Variants in PRR7 observed in about 807,000 individuals in gnomAD.
PRR7 encodes proline-rich protein 7.
PRR7 carries 8 observed loss-of-function variants against 18.5 expected under a neutral mutation model. That is an observed-to-expected ratio of 0.43 (90% CI 0.25 to 0.78). The LOEUF is 0.78. PRR7 is among the 30% of genes least tolerant of loss of function. The pLI, the probability that PRR7 is intolerant of heterozygous loss-of-function variation, is 0.22. For missense variants in PRR7, 396 were observed against 403.1 expected (o/e 0.98, Z 0.15); for synonymous variants, 221 against 187.7 (o/e 1.18, Z -1.45).
rs1756389871 is a variant in PRR7 at position 177,455,651 on chromosome 5, C to T, written c.428-73C>T. On this transcript the variant is annotated intron_variant, in intron 3 of 3. Coordinates refer to ENST00000323249, the MANE Select transcript of PRR7 (RefSeq NM_030567.5). This position sits in a 1 kb window ranked among gnomAD's most constrained non-coding sequence, Gnocchi z 6.9. ...CGGGCTAGGGCTGGGGCGCGGGCGG[C>T]CCCTGGCCGGGGCCTCTGCGAGAGG... 2.1e-6 allele frequency: 3 copies of T among 1,435,570 alleles called. No homozygotes were observed. Among genetic ancestry groups the T allele is most frequent in the East Asian group, 2.6e-5 (1 of 38,188 alleles). 88.9% of individuals were successfully genotyped at this position (1,435,570 alleles called of 1,614,324 possible). A position where few individuals can be genotyped will look rare whatever the true frequency, so the allele number is the denominator to read the frequency against.
rs527534049 is a variant in PRR7, at chr5:177,456,272, T to C, written c.*151T>C. Reference sequence around the variant, plus strand: ...TTTTGAGGATAATAAAGGTGTGTGATCTGGTTTGGTACAAGCGGAGGGTGC... The same window carrying C: ...TTTTGAGGATAATAAAGGTGTGTGACCTGGTTTGGTACAAGCGGAGGGTGC... On this transcript the variant is annotated 3_prime_UTR_variant, in exon 4 of 4. Transcript: ENST00000323249. 7.5e-6 allele frequency: 8 copies of C among 1,066,576 alleles called. No homozygotes were observed. In the Admixed American group the frequency reaches 1.7e-4, roughly 23 times the overall value. 66.1% of individuals were successfully genotyped at this position (1,066,576 alleles called of 1,614,324 possible). A position where few individuals can be genotyped will look rare whatever the true frequency, so the allele number is the denominator to read the frequency against.
chr5:177,450,659 T>TA lies in PRR7; in HGVS notation c.-324-3297_-324-3296insA, dbSNP rs1403323615. On this transcript the variant is annotated intron_variant, in intron 1 of 3. Transcript: ENST00000323249. The surrounding 1 kb of genome is among the most constrained non-coding windows in gnomAD (Gnocchi z 6.6). The stretch of plus-strand genomic sequence containing the variant: ...CGGAACATCCTGGCATCATTGGGCT[T>TA]CCCATCCCTGAGGGGTGAGGTGGCT... 6.6e-6 allele frequency among the ~76,000 whole-genome samples: 1 copy of TA among 152,186 alleles called. No homozygotes were observed. The highest frequency in any genetic ancestry group is 1.5e-5 in the Non-Finnish European group (1 of 68,024).
rs1319117319 is a variant in PRR7 at position 177,456,082 on chromosome 5, G to A, written c.786G>A (p.Pro262=). ...EPLEHGAWRL[P]VSIPLFGRTT... Reference sequence around the variant, plus strand: ...TGGAGCACGGAGCTTGGCGTCTGCCGGTCTCCATCCCCTTGTTCGGGAGGA... The same window carrying A: ...TGGAGCACGGAGCTTGGCGTCTGCCAGTCTCCATCCCCTTGTTCGGGAGGA... The change falls in exon 4 of 4, where the codon CCG becomes CCA. Residue 262 remains proline (P), a synonymous_variant. Transcript: ENST00000323249. 5 of 1,567,270 alleles carry A rather than the reference G, an allele frequency of 3.2e-6. No individual in the cohort carries two copies. Among genetic ancestry groups the A allele is most frequent in the South Asian group, 2.3e-5 (2 of 86,228 alleles).
Position 177,455,675 on chromosome 5 carries a change from G to C in PRR7, c.428-49G>C, listed in dbSNP as rs2127389347. 6.0e-6 allele frequency: 9 copies of C among 1,493,014 alleles called. No homozygotes were observed. Among genetic ancestry groups the C allele is most frequent in the Non-Finnish European group, 8.1e-6 (9 of 1,117,720 alleles). 92.5% of individuals were successfully genotyped at this position (1,493,014 alleles called of 1,614,324 possible). On this transcript the variant is annotated intron_variant, in intron 3 of 3. Coordinates refer to ENST00000323249, the MANE Select transcript of PRR7 (RefSeq NM_030567.5). This position sits in a 1 kb window ranked among gnomAD's most constrained non-coding sequence, Gnocchi z 6.9. ...GCCCCTGGCCGGGGCCTCTGCGAGA[G>C]GCTGGGAACCGGCGGCCTCACCTCC...
In PRR7 at chr5:177,455,851, G is replaced by T; in HGVS notation, c.555G>T (p.Leu185=). Residue 185 remains leucine, a synonymous_variant, in exon 4 of 4, where the codon CTG becomes CTT. Transcript: ENST00000323249. The surrounding 1 kb of genome is among the most constrained non-coding windows in gnomAD (Gnocchi z 6.9). The stretch of plus-strand genomic sequence containing the variant: ...ACCGCAAGATCGTCACGCCCTTCCT[G>T]AGTCGCCGCGACAGCGCGGAGAAGC... ...GLYRKIVTPF[L]SRRDSAEKQE... The T allele has an allele frequency of 6.2e-7, 1 of 1,612,006 alleles. No homozygotes were observed.
At chr5:177,448,791 C>T (rs1183977063) in intron 1 of PRR7, among the ~76,000 whole-genome samples, 1 of 152,242 alleles carries the variant, frequency 6.6e-6, no homozygotes, top group Non-Finnish European at 1.5e-5. Context: ...CAAAGGGCTG[C>T]CTCAGTCCCC....
rs1756425204 is a variant in PRR7 at position 177,456,076 on chromosome 5, T to C, written c.780T>C (p.Arg260=). ...AGCCCCTGGAGCACGGAGCTTGGCG[T>C]CTGCCGGTCTCCATCCCCTTGTTCG... The part of the protein sequence containing the change: ...SREPLEHGAW[R]LPVSIPLFGR... Residue 260 remains arginine, a synonymous_variant, in exon 4 of 4, where the codon CGT becomes CGC. Transcript: ENST00000323249. The C allele has an allele frequency of 6.4e-7, 1 of 1,570,512 alleles. No homozygotes were observed. The highest frequency in any genetic ancestry group is 1.8e-5 in the Admixed American group (1 of 55,988).
rs1756280795 is a variant in PRR7, at chr5:177,454,121, G to A, written c.-240+81G>A. On this transcript the variant is annotated intron_variant, in intron 2 of 3. Transcript: ENST00000323249. This position sits in a 1 kb window ranked among gnomAD's most constrained non-coding sequence, Gnocchi z 4.7. ...AGGGAAAGGGAGACGGCGGCCTGAA[G>A]ACAGAGGCAGAGCCAAGTGGGGCTG... 1.3e-5 allele frequency: 2 copies of A among 152,686 alleles called. No individual in the cohort carries two copies. The highest frequency in any genetic ancestry group is 4.1e-4 in the South Asian group (2 of 4,840). 9.5% of individuals were successfully genotyped at this position (152,686 alleles called of 1,614,324 possible).
chr5:177,456,194 G>A lies in PRR7; in HGVS notation c.*73G>A. 6 of 1,036,466 alleles carry A rather than the reference G, an allele frequency of 5.8e-6. No individual in the cohort carries two copies. Among genetic ancestry groups the A allele is most frequent in the East Asian group, 3.1e-5 (1 of 31,854 alleles). The allele number at this position is 1,036,466 out of a possible 1,614,324, so 64.2% of individuals were successfully genotyped here. On this transcript the variant is annotated 3_prime_UTR_variant, in exon 4 of 4. Transcript: ENST00000323249. ...TGCGGGGCTTTTTAAATGCTTCCCT[G>A]GACTGCGGGGAGGGGCGGGGGGAGG...
chr5:177,454,012 A>T lies in PRR7; in HGVS notation c.-268A>T, dbSNP rs1294603951. 1 of 152,258 alleles carries T rather than the reference A, an allele frequency of 6.6e-6. No individual in the cohort carries two copies. The highest frequency in any genetic ancestry group is 6.5e-5 in the Admixed American group (1 of 15,278). 9.4% of individuals were successfully genotyped at this position (152,258 alleles called of 1,614,324 possible). ...TGGAGAGGAGGAAGCGGAACTAGAGATGCCCATCTGGAGTGAGTGCAGGAC... is the reference window on the plus strand; with the variant it reads ...TGGAGAGGAGGAAGCGGAACTAGAGTTGCCCATCTGGAGTGAGTGCAGGAC... On this transcript the variant is annotated 5_prime_UTR_variant, in exon 2 of 4. It removes an upstream start codon present in the reference 5' UTR. Transcript: ENST00000323249. The surrounding 1 kb of genome is among the most constrained non-coding windows in gnomAD (Gnocchi z 4.7).
rs1220240055 is a variant in PRR7 at position 177,455,424 on chromosome 5, C to T, written c.357C>T (p.His119=). The change falls in exon 3 of 4, where the codon CAC becomes CAT. Residue 119 remains histidine, a synonymous_variant. Transcript: ENST00000323249. The surrounding 1 kb of genome is among the most constrained non-coding windows in gnomAD (Gnocchi z 6.9). ...CGCACGCGCACCCACACCCGCACCA[C>T]CACGCGCTCCCGCACCCGCCGCCTA... is the stretch of plus-strand genomic sequence containing the variant. ...PHAHAHPHPH[H]HALPHPPPTH... The T allele has an allele frequency of 2.0e-6, 3 of 1,504,260 alleles. No homozygotes were observed. Among genetic ancestry groups the T allele is most frequent in the Non-Finnish European group, 2.6e-6 (3 of 1,133,472 alleles). The allele number at this position is 1,504,260 out of a possible 1,614,324, so 93.2% of individuals were successfully genotyped here. A position where few individuals can be genotyped will look rare whatever the true frequency, so the allele number is the denominator to read the frequency against.
chr5:177,454,858 C>A lies in PRR7; in HGVS notation c.-210C>A. The A allele has an allele frequency of 2.1e-5, 11 of 514,642 alleles. No homozygotes were observed. Among genetic ancestry groups the A allele is most frequent in the Non-Finnish European group, 2.8e-5 (10 of 352,974 alleles). 31.9% of individuals were successfully genotyped at this position (514,642 alleles called of 1,614,324 possible). On this transcript the variant is annotated 5_prime_UTR_variant, in exon 3 of 4. Coordinates refer to ENST00000323249, the MANE Select transcript of PRR7 (RefSeq NM_030567.5). This position sits in a 1 kb window ranked among gnomAD's most constrained non-coding sequence, Gnocchi z 4.7. ...CGCGCGGCCCCGGGTGAGGCACGCC[C>A]GCGCGCCCGCCGGCGCCATGGGAAG...
rs186113836 is a variant in PRR7 at position 177,450,542 on chromosome 5, C to T, written c.-324-3414C>T. ...CACAGCTAAAAGACCAACCAGGTAA[C>T]GAGCCCTCCAGCATCTCCTTCCATA... is the stretch of plus-strand genomic sequence containing the variant. On this transcript the variant is annotated intron_variant, in intron 1 of 3. Coordinates refer to ENST00000323249, the MANE Select transcript of PRR7 (RefSeq NM_030567.5). This position sits in a 1 kb window ranked among gnomAD's most constrained non-coding sequence, Gnocchi z 6.6. 1.3e-5 allele frequency among the ~76,000 whole-genome samples: 2 copies of T among 152,340 alleles called. No individual in the cohort carries two copies. The highest frequency in any genetic ancestry group is 4.8e-5 in the African/African-American group (2 of 41,580).
At position 177,450,001 on chromosome 5, in the gene PRR7, C is replaced by T. The variant is rs1246558974; in HGVS notation, c.-325+3041C>T. Among the ~76,000 whole-genome samples the T allele has an allele frequency of 1.3e-5, 2 of 152,058 alleles. No individual in the cohort carries two copies. The highest frequency in any genetic ancestry group is 2.9e-5 in the Non-Finnish European group (2 of 67,996). On this transcript the variant is annotated intron_variant, in intron 1 of 3. Coordinates refer to ENST00000323249, the MANE Select transcript of PRR7 (RefSeq NM_030567.5). The surrounding 1 kb of genome is among the most constrained non-coding windows in gnomAD (Gnocchi z 6.6). Reference sequence around the variant, plus strand: ...CCTGAAATGCCCTTGCTGCCGGGACCGAGGACTTTGTCATCACCCGGGCTT... The same window carrying T: ...CCTGAAATGCCCTTGCTGCCGGGACTGAGGACTTTGTCATCACCCGGGCTT...
At position 177,454,627 on chromosome 5, in the gene PRR7, G is replaced by A. The variant is rs932904807; in HGVS notation, c.-239-202G>A. On this transcript the variant is annotated intron_variant, in intron 2 of 3. Transcript: ENST00000323249. This position sits in a 1 kb window ranked among gnomAD's most constrained non-coding sequence, Gnocchi z 4.7. Reference sequence around the variant, plus strand: ...CTCGGCGCCCGGGCTCCGCGGCGGCGGCCGGGGCTCAGATCGGGGAAACCC... The same window carrying A: ...CTCGGCGCCCGGGCTCCGCGGCGGCAGCCGGGGCTCAGATCGGGGAAACCC... 2.6e-5 allele frequency among the ~76,000 whole-genome samples: 4 copies of A among 151,986 alleles called. No homozygotes were observed. The highest frequency in any genetic ancestry group is 9.7e-5 in the African/African-American group (4 of 41,394).
In PRR7 at chr5:177,455,965, G is replaced by T; in HGVS notation, c.669G>T (p.Ala223=). ...ALHLPSAPRP[A]PPCPALCLQA... ...ACCTGCCCAGCGCCCCTCGGCCCGC[G>T]CCGCCCTGCCCAGCCCTCTGCCTGC... The change falls in exon 4 of 4, where the codon GCG becomes GCT. Residue 223 remains alanine, a synonymous_variant. Transcript: ENST00000323249. This position sits in a 1 kb window ranked among gnomAD's most constrained non-coding sequence, Gnocchi z 6.9. 6.3e-7 allele frequency: 1 copy of T among 1,591,164 alleles called. No homozygotes were observed.
intron 1 of PRR7, among the ~76,000 whole-genome samples, chr5:177,447,478 G>A (rs1755951006): frequency 6.6e-6 from 1 of 152,166 alleles, no homozygotes; most frequent in South Asian, 2.1e-4. Context: ...ACGTGGGGGC[G>A]GCCCAGCCCC....
intron 1 of PRR7, among the ~76,000 whole-genome samples, chr5:177,453,136 C>T (rs1463553177): frequency 6.6e-6 from 1 of 152,236 alleles, no homozygotes; most frequent in Non-Finnish European, 1.5e-5. Context: ...CCACCACAGA[C>T]AAGGTGGTGT....
At chr5:177,451,117 G>C (rs539406630) in intron 1 of PRR7, among the ~76,000 whole-genome samples, 2 of 152,210 alleles carry the variant, frequency 1.3e-5, no homozygotes, top group African/African-American at 4.8e-5. Flanking sequence ...TGCGGCGGAC[G>C]GAAGGAATGG....
Sources: gnomAD v4.1 joint callset for allele counts (sites outside exome capture counted in the v4.1 genomes callset) on GRCh38, gnomAD v4.1.1 for gene constraint, Gnocchi (gnomAD v3.1) non-coding constraint, MANE v1.5 for transcripts, NCBI Gene and HGNC (gene_info 2026-07-23, HGNC 2026-07-21) for gene names.